The following VIRMA variants were observed in gnomAD, a reference collection of about 807,000 sequenced individuals.
VIRMA encodes the protein vir like m6A methyltransferase associated.
VIRMA carries 65 observed loss-of-function variants against 182.4 expected under a neutral mutation model. That is an observed-to-expected ratio of 0.36 (90% CI 0.29 to 0.44). The LOEUF (loss-of-function observed/expected upper bound fraction) is 0.44, where lower values mean the gene tolerates loss of function less well. VIRMA is among the 20% of genes least tolerant of loss of function. The probability of loss-of-function intolerance (pLI) is 1.00; values close to 1 mark genes in which losing one functional copy is unlikely to be tolerated. For synonymous variants in VIRMA, 709 were observed against 743.1 expected, an observed-to-expected ratio of 0.95 and a Z score of 0.75; for missense variants, 1,752 against 2,158.1, an observed-to-expected ratio of 0.81 and a Z score of 3.73.
chr8:94,542,885 C>A (rs1052384646), intron 2 of VIRMA, among the ~76,000 whole-genome samples: 1 of 152,122 alleles, frequency 6.6e-6, no homozygotes, highest in Non-Finnish European at 1.5e-5. Flanking sequence ...TGTCCCATAA[C>A]ACCCACCACA....
At position 94,524,051 on chromosome 8, in the gene VIRMA, G is replaced by A. The variant is rs1814867697; in HGVS notation, c.2021+2172C>T. On this transcript the variant is annotated intron_variant, in intron 8 of 23. Transcript: ENST00000297591. ...TTTCGCTCTTGTTGCTTAGGCTGGA[G>A]TGCAATGGTGAGATCTCAGCTCACT... 1.3e-5 allele frequency among the ~76,000 whole-genome samples: 2 copies of A among 151,326 alleles called. 1 individual carries two copies. Among genetic ancestry groups the A allele is most frequent in the South Asian group, 4.2e-4 (2 of 4,778 alleles).
At chr8:94,537,704 GT>G (rs1472548968) in intron 3 of VIRMA, among the ~76,000 whole-genome samples, 1 of 151,702 alleles carries the variant, frequency 6.6e-6, no homozygotes, top group South Asian at 2.1e-4. Flanking sequence ...GCTGCCTTTA[GT>G]TTTTTTTATT....
At chr8:94,546,698 T>C (rs1815778751) in intron 1 of VIRMA, 4 of 333,252 alleles carry the variant, frequency 1.2e-5, no homozygotes, top group South Asian at 7.1e-5. Context: ...TGTAGTCTTT[T>C]ATCCCTCACC....
intron 11 of VIRMA, among the ~76,000 whole-genome samples, chr8:94,513,866 G>A (rs565731508): frequency 1.2e-4 from 19 of 152,246 alleles, no homozygotes; most frequent in Admixed American, 2.6e-4. Flanking sequence ...GTAAGAACAC[G>A]GAAGAATATG....
At position 94,529,209 on chromosome 8, in the gene VIRMA, T is replaced by C; in HGVS notation, c.741A>G (p.Glu247=). Reference sequence around the variant, plus strand: ...CCACATCATCTTCATCTTCTTCTCCTTCTTCTTGTTGTTCCTCTTCTACTT... The same window carrying C: ...CCACATCATCTTCATCTTCTTCTCCCTCTTCTTGTTGTTCCTCTTCTACTT... ...EGEVEEEQQE[E]GEEDEDDVDV... is the part of the protein sequence containing the mutation. The change falls in exon 7 of 24, where the codon GAA becomes GAG. Residue 247 remains glutamate, a synonymous_variant. Coordinates refer to ENST00000297591, the MANE Select transcript of VIRMA (RefSeq NM_015496.5). The C allele has an allele frequency of 6.6e-7, 1 of 1,518,478 alleles. No individual in the cohort carries two copies. The highest frequency in any genetic ancestry group is 9.1e-7 in the Non-Finnish European group (1 of 1,093,186). The allele number at this position is 1,518,478 out of a possible 1,614,324, so 94.1% of individuals were successfully genotyped here.
Position 94,538,274 on chromosome 8 carries a change from G to A in VIRMA, c.252C>T (p.Phe84=), listed in dbSNP as rs369924461. Residue 84 remains phenylalanine (F), a synonymous_variant, in exon 3 of 24, where the codon TTC becomes TTT. Transcript: ENST00000297591. ...CAGGTACATACCTTCCCAACCTATC[G>A]AAAACAGGGGCACTTGGTTTGCTTA... is the stretch of plus-strand genomic sequence containing the variant. The part of the protein sequence containing the change: ...NNVSKPSAPV[F]DRLGSLEYDE... The A allele has an allele frequency of 6.8e-6, 11 of 1,611,932 alleles. No homozygotes were observed. Among genetic ancestry groups the A allele is most frequent in the African/African-American group, 4.0e-5 (3 of 74,842 alleles).
In VIRMA at chr8:94,511,206, T is replaced by C; in HGVS notation, c.3369A>G (p.Pro1123=). 1.2e-6 allele frequency: 2 copies of C among 1,614,022 alleles called. No individual in the cohort carries two copies. The highest frequency in any genetic ancestry group is 4.5e-5 in the East Asian group (2 of 44,856). ...LILLSELLPL[P]LPMQTTQVIE... is the part of the protein sequence containing the mutation. ...ATACCTGAGTTGTTTGCATGGGCAA[T>C]GGAAGAGGCAGCAGCTCTGAAAGGA... Residue 1123 remains proline (P), a synonymous_variant, in exon 13 of 24, where the codon CCA becomes CCG. Coordinates refer to ENST00000297591, the MANE Select transcript of VIRMA (RefSeq NM_015496.5).
chr8:94,530,605 G>C (rs527930687), intron 6 of VIRMA, among the ~76,000 whole-genome samples: 1 of 152,140 alleles, frequency 6.6e-6, no homozygotes, highest in Non-Finnish European at 1.5e-5. Flanking sequence ...ACTGGCACCT[G>C]ATTTCTTTTC....
intron 10 of VIRMA, among the ~76,000 whole-genome samples, chr8:94,516,692 C>T (rs1041689681): frequency 2.0e-5 from 3 of 152,048 alleles, no homozygotes; most frequent in African/African-American, 7.2e-5. Context: ...ATACCCAACA[C>T]CCAGAAAAAG....
chr8:94,551,179 G>A (rs1414650427), intron 1 of VIRMA, among the ~76,000 whole-genome samples: 1 of 152,124 alleles, frequency 6.6e-6, no homozygotes, highest in East Asian at 1.9e-4. Context: ...GTGAAATATT[G>A]CCCCTTTCAC....
intron 16 of VIRMA, among the ~76,000 whole-genome samples, chr8:94,500,790 A>C (rs1813948167): frequency 1.3e-5 from 2 of 152,136 alleles, no homozygotes; most frequent in East Asian, 3.9e-4. Flanking sequence ...TTCACACAAA[A>C]ACCTGTGTGC....
At position 94,526,469 on chromosome 8, in the gene VIRMA, G is replaced by A; in HGVS notation, c.1775C>T (p.Ala592Val). 1 of 1,613,938 alleles carries A rather than the reference G, an allele frequency of 6.2e-7. No individual in the cohort carries two copies. Among genetic ancestry groups the A allele is most frequent in the Non-Finnish European group, 8.5e-7 (1 of 1,179,988 alleles). The change falls in exon 8 of 24, where the codon GCT becomes GTT. Residue 592 changes from alanine to valine, a missense_variant. Around this residue, in one of 11 missense-constraint regions of VIRMA, gnomAD observed 401 missense variants for 455.1 expected, o/e 0.88. Transcript: ENST00000297591. Reference protein sequence around the residue: ...NHSEPDHDTDAGLERTNPEYE... With the variant: ...NHSEPDHDTDVGLERTNPEYE... ...TTCTGGGTTTGTTCTCTCAAGTCCA[G>A]CATCTGTGTCGTGATCAGGTTCACT... is the stretch of plus-strand genomic sequence containing the variant.
intron 14 of VIRMA, 83 bp downstream of exon 14, chr8:94,510,334 C>T (rs762388718): frequency 2.5e-4 from 269 of 1,057,074 alleles, no homozygotes; most frequent in Non-Finnish European, 2.8e-4. Flanking sequence ...GCATTCCAAA[C>T]CCTAGTTTCC....
intron 20 of VIRMA, among the ~76,000 whole-genome samples, chr8:94,493,578 C>T (rs987266520): frequency 1.3e-5 from 2 of 152,128 alleles, no homozygotes; most frequent in African/African-American, 4.8e-5. Context: ...GGGCAGACTA[C>T]AAAATATTTG....
intron 22 of VIRMA, 110 bp from the exon 23 acceptor site, chr8:94,490,192 C>G (rs1813564388): frequency 3.2e-6 from 4 of 1,248,294 alleles, no homozygotes; most frequent in Non-Finnish European, 4.4e-6. Flanking sequence ...AACTGAAATT[C>G]TGCAAACTGA....
intron 1 of VIRMA, among the ~76,000 whole-genome samples, chr8:94,553,059 C>A (rs576247124): frequency 6.6e-6 from 1 of 152,232 alleles, no homozygotes; most frequent in East Asian, 1.9e-4. Context: ...ACCAAGACCC[C>A]TCCCAAACGC....
rs201515455 is a variant in VIRMA at position 94,511,545 on chromosome 8, G to A, written c.3030C>T (p.Leu1010=). The change falls in exon 13 of 24, where the codon CTC becomes CTT. Residue 1010 remains leucine (L), a synonymous_variant. Coordinates refer to ENST00000297591, the MANE Select transcript of VIRMA (RefSeq NM_015496.5). ...CCGTTAACATAGTTTTAAGAAGAGT[G>A]AGTGTGCAGCGAGCCATTGAAATAG... The part of the protein sequence containing the change: ...VTTISMARCT[L]TLLKTMLTEL... 4.2e-5 allele frequency: 67 copies of A among 1,614,170 alleles called. No homozygotes were observed. In the East Asian group the frequency reaches 5.3e-4, roughly 13 times the overall value.
intron 18 of VIRMA, 52 bp from the exon 19 acceptor site, chr8:94,495,943 T>TA: frequency 6.6e-7 from 1 of 1,511,468 alleles, no homozygotes. Flanking sequence ...CTTATGTCTG[T>TA]AAACCTACTG....
At chr8:94,516,133 A>C (rs1462968435) in intron 10 of VIRMA, among the ~76,000 whole-genome samples, 1 of 152,030 alleles carries the variant, frequency 6.6e-6, no homozygotes, top group Non-Finnish European at 1.5e-5. Context: ...CCTACAAAAT[A>C]GACTGCTTAT....
Sources: gnomAD v4.1 joint callset for allele counts (sites outside exome capture counted in the v4.1 genomes callset) on GRCh38, gnomAD v4.1.1 for gene constraint, gnomAD v4.1.1 regional missense constraint, MANE v1.5 for transcripts, NCBI Gene and HGNC (gene_info 2026-07-23, HGNC 2026-07-21) for gene names.